Variants in EZH2 observed in about 807,000 individuals in gnomAD.
The protein encoded by EZH2 is enhancer of zeste 2 polycomb repressive complex 2 subunit.
In EZH2, 18 loss-of-function variants were observed where a neutral mutation model predicts 98.4. The ratio of observed to expected loss-of-function variants is 0.18; its 90% CI spans 0.13 to 0.27. The LOEUF (loss-of-function observed/expected upper bound fraction) is 0.27, where lower values mean the gene tolerates loss of function less well. EZH2 is among the 10% of genes least tolerant of loss of function. EZH2 has a pLI of 1.00. For synonymous variants in EZH2, 338 were observed against 312.3 expected, an observed-to-expected ratio of 1.08 and a Z score of -0.87; for missense variants, 470 against 935.1, an observed-to-expected ratio of 0.50 and a Z score of 6.49.
intron 3 of EZH2, among the ~76,000 whole-genome samples, chr7:148,833,311 G>C (rs1809913197): frequency 6.6e-6 from 1 of 151,624 alleles, no homozygotes. Flanking sequence ...ACAAAAATTA[G>C]CCAGGCATGG....
chr7:148,837,092 A>G, intron 3 of EZH2: 1 of 425,026 alleles, frequency 2.4e-6, no homozygotes, highest in Non-Finnish European at 4.7e-6. Flanking sequence ...AAATTTCACA[A>G]CTACCCTGTG....
intron 1 of EZH2, among the ~76,000 whole-genome samples, chr7:148,869,030 A>T (rs1818942942): frequency 6.6e-6 from 1 of 152,188 alleles, no homozygotes; most frequent in Non-Finnish European, 1.5e-5. Context: ...TATAAAGGTA[A>T]TTTATTCAGA....
At chr7:148,867,016 CTTCTA>C (rs916599974) in intron 1 of EZH2, among the ~76,000 whole-genome samples, 1 of 149,608 alleles carries the variant, frequency 6.7e-6, no homozygotes, top group African/African-American at 2.4e-5. Context: ...GCCTGGCCAA[CTTCTA>C]TTCTTTATAA....
At chr7:148,837,433 G>A (rs1264347675) in intron 3 of EZH2, among the ~76,000 whole-genome samples, 1 of 152,172 alleles carries the variant, frequency 6.6e-6, no homozygotes, top group East Asian at 1.9e-4. Context: ...GAGAAAAGCT[G>A]GGGGTGATTT....
At chr7:148,848,184 T>C (rs1814684800) in intron 1 of EZH2, among the ~76,000 whole-genome samples, 1 of 152,174 alleles carries the variant, frequency 6.6e-6, no homozygotes, top group African/African-American at 2.4e-5. Context: ...CACTAACAAT[T>C]TGTGCTTTAT....
intron 3 of EZH2, among the ~76,000 whole-genome samples, chr7:148,845,286 C>T (rs1813701450): frequency 6.6e-6 from 1 of 152,168 alleles, no homozygotes; most frequent in South Asian, 2.1e-4. Context: ...CCTTTAAGAA[C>T]GTTCTGATGG....
intron 3 of EZH2, among the ~76,000 whole-genome samples, chr7:148,842,195 C>T (rs1017653198): frequency 1.3e-5 from 2 of 152,096 alleles, no homozygotes; most frequent in Non-Finnish European, 2.9e-5. Context: ...ACTAATCATA[C>T]CATTTGCCCA....
intron 9 of EZH2, among the ~76,000 whole-genome samples, chr7:148,818,665 T>C (rs758210779): frequency 1.3e-5 from 2 of 152,172 alleles, no homozygotes; most frequent in Non-Finnish European, 2.9e-5. Flanking sequence ...ACATTTTTTT[T>C]TTTCCTGTGA....
intron 1 of EZH2, among the ~76,000 whole-genome samples, chr7:148,853,988 C>T (rs191988998): frequency 1.3e-5 from 2 of 152,342 alleles, no homozygotes; most frequent in African/African-American, 4.8e-5. Context: ...CCAGGCCACA[C>T]AAGTCCAAGG....
Position 148,811,738 on chromosome 7 carries a change from A to C in EZH2, c.1852-18T>G, listed in dbSNP as rs2129469100. ...AATAGATGCTAGAGAATAAAACACA[A>C]TCACATCATCAAAAAAGGAGGGTGA... On this transcript the variant is annotated intron_variant, in intron 15 of 19. Transcript: ENST00000320356. 6.2e-7 allele frequency: 1 copy of C among 1,600,286 alleles called. No homozygotes were observed. Among genetic ancestry groups the C allele is most frequent in the Non-Finnish European group, 8.5e-7 (1 of 1,172,474 alleles).
chr7:148,831,863 G>T (rs1295347397), intron 4 of EZH2, among the ~76,000 whole-genome samples: 1 of 152,134 alleles, frequency 6.6e-6, no homozygotes, highest in Non-Finnish European at 1.5e-5. Context: ...ACATGCTTCA[G>T]TTTCTCTTTA....
At chr7:148,810,214 TA>T in intron 17 of EZH2, 118 bp downstream of exon 17, 1 of 669,512 alleles carries the variant, frequency 1.5e-6, no homozygotes, top group Non-Finnish European at 2.7e-6. Context: ...CCCATGCCTC[TA>T]AGGAGATCCT....
At chr7:148,811,742 C>T (rs760468048) in intron 15 of EZH2, 22 bp from the exon 16 acceptor site, 1 of 1,589,742 alleles carries the variant, frequency 6.3e-7, no homozygotes, top group Non-Finnish European at 8.6e-7. Context: ...AACACAATCA[C>T]ATCATCAAAA....
chr7:148,837,013 G>T (rs774635755), intron 3 of EZH2: 9 of 492,354 alleles, frequency 1.8e-5, no homozygotes, highest in South Asian at 1.4e-4. Context: ...GCAGGGAAGG[G>T]AAAGAAATTA....
chr7:148,878,510 T>TAC (rs1445026926), intron 1 of EZH2, among the ~76,000 whole-genome samples: 2 of 152,252 alleles, frequency 1.3e-5, no homozygotes, highest in Non-Finnish European at 2.9e-5. Flanking sequence ...TCACTCCTTT[T>TAC]ACGTCTTTAT....
At chr7:148,878,759 C>T (rs947009007) in intron 1 of EZH2, among the ~76,000 whole-genome samples, 2 of 151,898 alleles carry the variant, frequency 1.3e-5, no homozygotes, top group East Asian at 1.9e-4. Context: ...ATTAGCCAGG[C>T]GTGGTGGCAT....
At chr7:148,856,421 G>A (rs1033209074) in intron 1 of EZH2, among the ~76,000 whole-genome samples, 10 of 152,178 alleles carry the variant, frequency 6.6e-5, no homozygotes, top group African/African-American at 2.4e-4. Context: ...ATACAGAAAC[G>A]TAGGTATGTA....
intron 1 of EZH2, 30 bp from the exon 2 acceptor site, chr7:148,847,335 C>G: frequency 6.2e-7 from 1 of 1,610,606 alleles, no homozygotes; most frequent in Non-Finnish European, 8.5e-7. Flanking sequence ...ATTAAAATCA[C>G]TAATCTAACC....
At chr7:148,856,403 G>A (rs1366123009) in intron 1 of EZH2, among the ~76,000 whole-genome samples, 1 of 152,168 alleles carries the variant, frequency 6.6e-6, no homozygotes, top group Non-Finnish European at 1.5e-5. Context: ...TAAAATATAT[G>A]CGGATAGATA....
Sources: gnomAD v4.1 joint callset for allele counts (sites outside exome capture counted in the v4.1 genomes callset) on GRCh38, gnomAD v4.1.1 for gene constraint, MANE v1.5 for transcripts, NCBI Gene and HGNC (gene_info 2026-07-23, HGNC 2026-07-21) for gene names.